The following ZC3H6 variants were observed in gnomAD, a reference collection of about 807,000 sequenced individuals.
The protein encoded by ZC3H6 is zinc finger CCCH domain-containing protein 6.
Under a neutral mutation model 107.7 loss-of-function variants are expected in ZC3H6, and 40 were observed. The ratio of observed to expected loss-of-function variants is 0.37; its 90% CI spans 0.29 to 0.48. The LOEUF (loss-of-function observed/expected upper bound fraction) is 0.48. ZC3H6 is among the 20% of genes least tolerant of loss of function. ZC3H6 has a pLI of 0.98. For synonymous variants in ZC3H6, 493 were observed against 487.9 expected, an observed-to-expected ratio of 1.01 and a Z score of -0.14; for missense variants, 1,267 against 1,410.4, an observed-to-expected ratio of 0.90 and a Z score of 1.63.
At position 112,309,917 on chromosome 2, in the gene ZC3H6, A is replaced by G. The variant is rs183727176; in HGVS notation, c.369A>G (p.Ser123=). Residue 123 remains serine, a synonymous_variant, in exon 4 of 12, where the codon TCA becomes TCG. Coordinates refer to ENST00000409871, the MANE Select transcript of ZC3H6 (RefSeq NM_198581.3). ...RGHISGSYIT[S]KKGQHNKKFK... ...ATATATCAGGAAGCTACATAACATC[A>G]AAGAAGGGTCAACATAACAAAAAAT... is the stretch of plus-strand genomic sequence containing the variant. The G allele has an allele frequency of 1.9e-4, 308 of 1,591,632 alleles. 1 individual carries two copies. In the East Asian group the frequency reaches 5.9e-3, roughly 30 times the overall value.
At chr2:112,315,314 A>G (rs1369570840) in intron 5 of ZC3H6, among the ~76,000 whole-genome samples, 2 of 152,196 alleles carry the variant, frequency 1.3e-5, no homozygotes, top group Non-Finnish European at 2.9e-5. Flanking sequence ...AAGTAGGGCT[A>G]TAAGATTTCT....
chr2:112,291,031 G>T (rs1380583782), intron 1 of ZC3H6, among the ~76,000 whole-genome samples: 1 of 152,216 alleles, frequency 6.6e-6, no homozygotes, highest in Non-Finnish European at 1.5e-5. Flanking sequence ...CAACTGGTCT[G>T]TTTTTGTCTC....
At chr2:112,305,561 A>G (rs2104709100) in intron 3 of ZC3H6, among the ~76,000 whole-genome samples, 1 of 152,320 alleles carries the variant, frequency 6.6e-6, no homozygotes, top group South Asian at 2.1e-4. Context: ...AGTTAAAGAA[A>G]TTAAGAAAAC....
At chr2:112,280,489 C>T (rs190971343) in intron 1 of ZC3H6, among the ~76,000 whole-genome samples, 1 of 152,218 alleles carries the variant, frequency 6.6e-6, no homozygotes, top group East Asian at 1.9e-4. Context: ...AGTGTTTCGT[C>T]TCTGCTAAGT....
rs1324041510 is a variant in ZC3H6, at chr2:112,333,657, ACT to A, written c.*1172_*1173del. On this transcript the variant is annotated 3_prime_UTR_variant, in exon 12 of 12. Transcript: ENST00000409871. ...TTATTACAATATATAAATAATGGCAACTCTTTGTTTTATACATATATAATTTA... is the reference window on the plus strand; with the variant it reads ...TTATTACAATATATAAATAATGGCAACTTTGTTTTATACATATATAATTTA... The A allele has an allele frequency of 1.3e-5, 2 of 152,090 alleles. No individual in the cohort carries two copies. Among genetic ancestry groups the A allele is most frequent in the East Asian group, 1.9e-4 (1 of 5,186 alleles). 9.4% of individuals were successfully genotyped at this position (152,090 alleles called of 1,614,324 possible).
At chr2:112,290,076 T>C (rs1383113558) in intron 1 of ZC3H6, among the ~76,000 whole-genome samples, 1 of 152,200 alleles carries the variant, frequency 6.6e-6, no homozygotes, top group Non-Finnish European at 1.5e-5. Context: ...TTTGGACTAA[T>C]GTTCTTTGAG....
intron 1 of ZC3H6, among the ~76,000 whole-genome samples, chr2:112,280,695 G>A (rs1686511156): frequency 6.6e-6 from 1 of 152,104 alleles, no homozygotes; most frequent in African/African-American, 2.4e-5. Flanking sequence ...ACTAGACCTG[G>A]AGGATGAATA....
intron 5 of ZC3H6, among the ~76,000 whole-genome samples, chr2:112,313,882 T>A (rs923583670): frequency 6.6e-6 from 1 of 152,088 alleles, no homozygotes; most frequent in Non-Finnish European, 1.5e-5. Context: ...TTCATCATAA[T>A]TTTTTTGAAA....
intron 1 of ZC3H6, among the ~76,000 whole-genome samples, chr2:112,280,647 G>C (rs909591792): frequency 1.1e-4 from 17 of 152,022 alleles, no homozygotes; most frequent in African/African-American, 4.1e-4. Context: ...TGCTGTGGGG[G>C]TACACAGATG....
intron 3 of ZC3H6, among the ~76,000 whole-genome samples, chr2:112,307,049 A>C (rs1339255749): frequency 6.6e-6 from 1 of 152,186 alleles, no homozygotes; most frequent in African/African-American, 2.4e-5. Context: ...TATCTTTTCT[A>C]CTTTTTTTAA....
At chr2:112,330,139 G>A (rs992792008) in intron 11 of ZC3H6, among the ~76,000 whole-genome samples, 17 of 150,872 alleles carry the variant, frequency 1.1e-4, no homozygotes, top group East Asian at 7.8e-4. Context: ...TGCGAGCTCC[G>A]CCTCCCAGGT....
At chr2:112,287,412 G>C (rs1321439209) in intron 1 of ZC3H6, among the ~76,000 whole-genome samples, 3 of 152,140 alleles carry the variant, frequency 2.0e-5, no homozygotes, top group Non-Finnish European at 4.4e-5. Flanking sequence ...CTCTGCTTAT[G>C]ACATAAAGTA....
chr2:112,332,048 A>C lies in ZC3H6; in HGVS notation c.3130A>C (p.Ser1044Arg). The change falls in exon 12 of 12, where the codon AGT becomes CGT. Residue 1044 changes from serine to arginine, a missense_variant. Physicochemically the swap from Ser to Arg is moderately radical, Grantham distance 110. Coordinates refer to ENST00000409871, the MANE Select transcript of ZC3H6 (RefSeq NM_198581.3). ...ACTGGGAACTTCCACTTCAGTTCTT[A>C]GTGGTATTAGTTTGTATGACCCTAG... ...LPLGTSTSVL[S>R]GISLYDPRDH... 6.2e-7 allele frequency: 1 copy of C among 1,614,000 alleles called. No individual in the cohort carries two copies. The highest frequency in any genetic ancestry group is 8.5e-7 in the Non-Finnish European group (1 of 1,179,886).
At position 112,317,198 on chromosome 2, in the gene ZC3H6, CTTTTTTTTT is replaced by C; in HGVS notation, c.865-17_865-9del. 3 of 1,027,106 alleles carry C rather than the reference CTTTTTTTTT, an allele frequency of 2.9e-6. No homozygotes were observed. The highest frequency in any genetic ancestry group is 3.9e-6 in the Non-Finnish European group (3 of 765,198). 63.6% of individuals were successfully genotyped at this position (1,027,106 alleles called of 1,614,324 possible). Reference sequence around the variant, plus strand: ...TGTTTCTTACCTTTTTTTCTTTTTTCTTTTTTTTTTTTTTGTGAATAGGGAGATCAGTGT... The same window carrying C: ...TGTTTCTTACCTTTTTTTCTTTTTTCTTTTTGTGAATAGGGAGATCAGTGT... On this transcript the variant is annotated splice_polypyrimidine_tract_variant and intron_variant, in intron 6 of 11. Coordinates refer to ENST00000409871, the MANE Select transcript of ZC3H6 (RefSeq NM_198581.3).
At chr2:112,323,941 C>G (rs2104721953) in intron 9 of ZC3H6, among the ~76,000 whole-genome samples, 1 of 152,236 alleles carries the variant, frequency 6.6e-6, no homozygotes, top group Non-Finnish European at 1.5e-5. Flanking sequence ...TTTAGAACAG[C>G]TAACGGTAAG....
intron 5 of ZC3H6, among the ~76,000 whole-genome samples, chr2:112,313,182 A>G (rs555868386): frequency 1.3e-5 from 2 of 152,040 alleles, no homozygotes; most frequent in African/African-American, 4.8e-5. Context: ...CATTTACTCA[A>G]CTACAAACTA....
chr2:112,316,497 G>A lies in ZC3H6; in HGVS notation c.775G>A (p.Val259Ile), dbSNP rs202247252. The A allele has an allele frequency of 5.0e-6, 8 of 1,608,778 alleles. No individual in the cohort carries two copies. The highest frequency in any genetic ancestry group is 2.2e-5 in the South Asian group (2 of 89,846). ...TAATAAACCAGGGAAAAAATGGAAG[G>A]TTATGACTCAGGAATTTATTAATCA... ...EYNKPGKKWK[V>I]MTQEFINQHT... The change falls in exon 6 of 12, where the codon GTT (valine) becomes ATT (isoleucine). Residue 259 changes from valine to isoleucine, a missense_variant. Physicochemically the swap from Val to Ile is conservative, Grantham distance 29 (BLOSUM62 3). Coordinates refer to ENST00000409871, the MANE Select transcript of ZC3H6 (RefSeq NM_198581.3).
At chr2:112,292,514 A>G (rs548112876) in intron 1 of ZC3H6, among the ~76,000 whole-genome samples, 10 of 152,376 alleles carry the variant, frequency 6.6e-5, no homozygotes, top group African/African-American at 2.4e-4. Context: ...GTCACTTTAG[A>G]TTGATGACCA....
Position 112,333,295 on chromosome 2 carries a change from G to A in ZC3H6, c.*807G>A, listed in dbSNP as rs995590458. The A allele has an allele frequency of 6.6e-6, 1 of 152,528 alleles. No homozygotes were observed. Among genetic ancestry groups the A allele is most frequent in the Non-Finnish European group, 1.5e-5 (1 of 67,982 alleles). The allele number at this position is 152,528 out of a possible 1,614,324, so 9.4% of individuals were successfully genotyped here. A position where few individuals can be genotyped will look rare whatever the true frequency, so the allele number is the denominator to read the frequency against. ...AATTTATATTGCTTTTTCAAATGAT[G>A]TAGCTGCATTAATTGTGTTCATCAT... On this transcript the variant is annotated 3_prime_UTR_variant, in exon 12 of 12. Coordinates refer to ENST00000409871, the MANE Select transcript of ZC3H6 (RefSeq NM_198581.3).
Sources: gnomAD v4.1 joint callset for allele counts (sites outside exome capture counted in the v4.1 genomes callset) on GRCh38, gnomAD v4.1.1 for gene constraint, MANE v1.5 for transcripts, NCBI Gene and HGNC (gene_info 2026-07-23, HGNC 2026-07-21) for gene names.